PREX1: variants seen among roughly 807,000 people sequenced by gnomAD.
The protein encoded by PREX1 is phosphatidylinositol-3,4,5-trisphosphate dependent Rac exchange factor 1, also known as phosphatidylinositol 3,4,5-trisphosphate-dependent Rac exchanger 1 protein.
A neutral mutation model predicts 198.3 loss-of-function variants in PREX1; 41 were observed. That is an observed-to-expected ratio of 0.21 (90% CI 0.16 to 0.27). The LOEUF is 0.27. Ranked by LOEUF, PREX1 falls within the 10% of genes least tolerant of loss-of-function variation. The pLI, the probability that PREX1 is intolerant of heterozygous loss-of-function variation, is 1.00. For synonymous variants in PREX1, 843 were observed against 887.2 expected (o/e 0.95, Z 0.89); for missense variants, 1,620 against 2,200.7 (o/e 0.74, Z 5.28).
chr20:48,855,817 G>C, the PREX1 span, among the ~76,000 whole-genome samples: 8 of 152,318 alleles, frequency 5.3e-5, no homozygotes, highest in Middle Eastern at 3.4e-3. Flanking sequence ...AGAATCACTT[G>C]AACCCAGGAG....
At chr20:48,847,488 C>T in the PREX1 span, among the ~76,000 whole-genome samples, 1 of 151,854 alleles carries the variant, frequency 6.6e-6, no homozygotes, top group Non-Finnish European at 1.5e-5. Context: ...CTTTTCTGCT[C>T]TGTAAAGGAA....
intron 5 of PREX1, among the ~76,000 whole-genome samples, chr20:48,722,458 G>A (rs953067649): frequency 6.6e-6 from 1 of 152,248 alleles, no homozygotes; most frequent in African/African-American, 2.4e-5. Flanking sequence ...TGGAGGAGGG[G>A]AGGATGGACA....
At chr20:48,667,955 C>T (rs55967842) in intron 14 of PREX1, among the ~76,000 whole-genome samples, 2,428 of 152,300 alleles carry the variant, frequency 0.016, 65 homozygotes, top group African/African-American at 0.053. Context: ...GACAGAGCCT[C>T]CACCTGCTAG....
intron 1 of PREX1, among the ~76,000 whole-genome samples, chr20:48,772,563 G>A (rs6125463): frequency 0.27 from 40,396 of 152,184 alleles, 6,321 homozygotes; most frequent in Admixed American, 0.34. Context: ...TTCTCTTTGC[G>A]GAACTTCCCA....
intron 3 of PREX1, among the ~76,000 whole-genome samples, chr20:48,742,214 T>C (rs1157754465): frequency 6.6e-6 from 1 of 152,158 alleles, no homozygotes; most frequent in Non-Finnish European, 1.5e-5. Flanking sequence ...ATCCCAGGTC[T>C]GGGCACCCTG....
At position 48,646,057 on chromosome 20, in the gene PREX1, C is replaced by A. The variant is rs571136869; in HGVS notation, c.3306G>T (p.Arg1102Ser). Residue 1102 changes from arginine (R) to serine (S), a missense_variant and splice_region_variant, in exon 26 of 40, where the codon AGG (arginine) becomes AGT (serine). Transcript: ENST00000371941. ...TGGGCTCTGTGATGGTGGACAGCAG[C>A]CTACGGAAGCAAAGACCTTGAAGTC... ...EMKQYVTQINRLLSTITEPTS... is the reference protein window; with the variant it reads ...EMKQYVTQINSLLSTITEPTS... 6 of 1,613,086 alleles carry A rather than the reference C, an allele frequency of 3.7e-6. No homozygotes were observed. In the African/African-American group the frequency reaches 8.0e-5, roughly 21 times the overall value.
At chr20:48,749,282 CG>C (rs1947837487) in intron 1 of PREX1, among the ~76,000 whole-genome samples, 1 of 152,128 alleles carries the variant, frequency 6.6e-6, no homozygotes, top group South Asian at 2.1e-4. Context: ...CACAGGGCCA[CG>C]GGGAGCTGTG....
chr20:48,660,898 G>C (rs1425297048), intron 15 of PREX1, among the ~76,000 whole-genome samples: 1 of 152,232 alleles, frequency 6.6e-6, no homozygotes, highest in Non-Finnish European at 1.5e-5. Context: ...AAATGATGCT[G>C]AGACACTTTA....
chr20:48,840,890 A>G, the PREX1 span, among the ~76,000 whole-genome samples: 2 of 151,954 alleles, frequency 1.3e-5, no homozygotes, highest in East Asian at 1.9e-4. Flanking sequence ...TGGCATGATC[A>G]TGGCTCACTG....
At chr20:48,716,937 CA>C (rs1214781740) in intron 5 of PREX1, among the ~76,000 whole-genome samples, 6 of 152,218 alleles carry the variant, frequency 3.9e-5, no homozygotes, top group African/African-American at 1.4e-4. Flanking sequence ...CAGACGGAGT[CA>C]GGATAGTATC....
At chr20:48,860,114 G>A in the PREX1 span, among the ~76,000 whole-genome samples, 1 of 152,346 alleles carries the variant, frequency 6.6e-6, no homozygotes, top group South Asian at 2.1e-4. Flanking sequence ...GCCAAAAGCT[G>A]GAAGCAATGC....
At position 48,793,222 on chromosome 20, in the gene PREX1, C is replaced by A. The variant is rs140516519; in HGVS notation, c.219+34420G>T. 5.0e-3 allele frequency among the ~76,000 whole-genome samples: 758 copies of A among 152,124 alleles called. 4 individuals are homozygous for A. The highest frequency in any genetic ancestry group is 8.1e-3 in the Non-Finnish European group (554 of 67,982). On this transcript the variant is annotated intron_variant, in intron 1 of 39. Coordinates refer to ENST00000371941, the MANE Select transcript of PREX1 (RefSeq NM_020820.4). ...CTGTCTCAAAATAAATAAATAAATA[C>A]ATACATACATAAATAAGTAGACTAA... is the stretch of plus-strand genomic sequence containing the variant.
chr20:48,849,951 C>T, the PREX1 span, among the ~76,000 whole-genome samples: 3 of 152,282 alleles, frequency 2.0e-5, no homozygotes, highest in South Asian at 6.2e-4. Flanking sequence ...GGGTTCATAT[C>T]ATGACCACCA....
At chr20:48,786,997 A>G (rs2090316165) in intron 1 of PREX1, among the ~76,000 whole-genome samples, 1 of 146,556 alleles carries the variant, frequency 6.8e-6, no homozygotes, top group Non-Finnish European at 1.5e-5. Context: ...ACACACTCCA[A>G]GAACCTCTCA....
At chr20:48,745,272 G>C (rs2090102650) in intron 2 of PREX1, 125 bp from the exon 3 acceptor site, 2 of 1,030,190 alleles carry the variant, frequency 1.9e-6, no homozygotes, top group Non-Finnish European at 2.8e-6. Flanking sequence ...TCAAACACCG[G>C]AACTGGTTTA....
rs201967121 is a variant in PREX1, at chr20:48,649,375, T to G, written c.3230A>C (p.Asp1077Ala). The change falls in exon 25 of 40, where the codon GAT becomes GCT. Residue 1077 changes from aspartate to alanine, a missense_variant. Physicochemically the swap from Asp to Ala is moderately radical, Grantham distance 126. Transcript: ENST00000371941. ...LLKQEDREIQ[D>A]AYLQLFTKLD... ...CTTGGTGAAGAGCTGCAGGTAGGCATCCTGGATCTCACGGTCCTCCTGCTT... is the reference window on the plus strand; with the variant it reads ...CTTGGTGAAGAGCTGCAGGTAGGCAGCCTGGATCTCACGGTCCTCCTGCTT... 3 of 1,614,166 alleles carry G rather than the reference T, an allele frequency of 1.9e-6. No individual in the cohort carries two copies. The East Asian group carries it at 6.7e-5, about 36-fold the overall frequency.
Position 48,649,541 on chromosome 20 carries a change from T to C in PREX1, c.3064A>G (p.Ile1022Val), listed in dbSNP as rs1274871954. 3 of 1,610,538 alleles carry C rather than the reference T, an allele frequency of 1.9e-6. No homozygotes were observed. Among genetic ancestry groups the C allele is most frequent in the Admixed American group, 1.7e-5 (1 of 59,430 alleles). Residue 1022 changes from isoleucine (I) to valine (V), a missense_variant, in exon 25 of 40, where the codon ATC becomes GTC. Physicochemically the swap from Ile to Val is conservative, Grantham distance 29. Coordinates refer to ENST00000371941, the MANE Select transcript of PREX1 (RefSeq NM_020820.4). ...CAGGAGGGAGCAGCCATGGTGGTGA[T>C]GCAGTGCTGGGTGTACGACATGGGG... is the stretch of plus-strand genomic sequence containing the variant. ...LNPMSYTQHC[I>V]TTMAAPSWKC...
Position 48,679,516 on chromosome 20 carries a change from A to G in PREX1, c.1540-107T>C, listed in dbSNP as rs2089733692. On this transcript the variant is annotated intron_variant, in intron 12 of 39. Coordinates refer to ENST00000371941, the MANE Select transcript of PREX1 (RefSeq NM_020820.4). ...CTTCCAGGACGGGGCAGGGCAGGGT[A>G]ATGGGGGCAGGGGTGAGTTGTGGGC... The G allele has an allele frequency of 6.4e-6, 9 of 1,401,318 alleles. No homozygotes were observed. The East Asian group carries it at 2.1e-4, about 32-fold the overall frequency. The allele number at this position is 1,401,318 out of a possible 1,614,324, so 86.8% of individuals were successfully genotyped here. A position where few individuals can be genotyped will look rare whatever the true frequency, so the allele number is the denominator to read the frequency against.
At chr20:48,747,982 G>C in intron 1 of PREX1, 102 bp from the exon 2 acceptor site, 3 of 1,008,524 alleles carry the variant, frequency 3.0e-6, no homozygotes, top group Non-Finnish European at 4.5e-6. Flanking sequence ...TAGGATCTGG[G>C]AGGTACCACG....
Sources: gnomAD v4.1 joint callset for allele counts (sites outside exome capture counted in the v4.1 genomes callset) on GRCh38, gnomAD v4.1.1 for gene constraint, MANE v1.5 for transcripts, NCBI Gene and HGNC (gene_info 2026-07-23, HGNC 2026-07-21) for gene names.